The following NALCN variants were observed in gnomAD, a reference collection of about 807,000 sequenced individuals.
The protein encoded by NALCN is sodium leak channel, non-selective.
NALCN carries 111 observed loss-of-function variants against 225.3 expected under a neutral mutation model. The observed-to-expected ratio is 0.49, with a 90% CI of 0.42 to 0.58. The LOEUF is 0.58. Among genes scored for constraint, NALCN ranks in the 20% least tolerant of loss-of-function variants. NALCN has a pLI of 0.00. For missense variants in NALCN, 1,378 were observed against 2,202.4 expected (o/e 0.63, Z 7.49); for synonymous variants, 764 against 769.0 (o/e 0.99, Z 0.11).
At chr13:101,160,098 GTACAC>G (rs2038096715) in intron 15 of NALCN, among the ~76,000 whole-genome samples, 3 of 152,084 alleles carry the variant, frequency 2.0e-5, no homozygotes, top group African/African-American at 7.2e-5. Flanking sequence ...GGGACTACAG[GTACAC>G]ACCACCATGC....
At chr13:101,268,950 A>G (rs2042683992) in intron 10 of NALCN, among the ~76,000 whole-genome samples, 1 of 152,206 alleles carries the variant, frequency 6.6e-6, no homozygotes, top group African/African-American at 2.4e-5. Flanking sequence ...GGAGAAAGGA[A>G]AAGTAAATGA....
intron 15 of NALCN, among the ~76,000 whole-genome samples, chr13:101,150,031 G>A (rs2139818918): frequency 6.6e-6 from 1 of 152,250 alleles, no homozygotes; most frequent in Non-Finnish European, 1.5e-5. Context: ...CAGTTGAGTG[G>A]GAAAATACAT....
intron 6 of NALCN, among the ~76,000 whole-genome samples, chr13:101,374,362 G>C (rs1016166560): frequency 6.9e-6 from 1 of 144,760 alleles, no homozygotes. Flanking sequence ...TGCAACCTCC[G>C]CCTTCTGGAT....
At chr13:101,320,248 C>T (rs1299626075) in intron 7 of NALCN, among the ~76,000 whole-genome samples, 1 of 152,198 alleles carries the variant, frequency 6.6e-6, no homozygotes, top group Admixed American at 6.5e-5. Flanking sequence ...CCATGAGTTT[C>T]CTCAAATTAC....
chr13:101,155,001 A>G (rs1424134495), intron 15 of NALCN, among the ~76,000 whole-genome samples: 1 of 152,248 alleles, frequency 6.6e-6, no homozygotes, highest in Non-Finnish European at 1.5e-5. Flanking sequence ...CAACGTATTC[A>G]TGGCAGAAAG....
At chr13:101,218,877 G>T (rs767753898) in intron 13 of NALCN, among the ~76,000 whole-genome samples, 1 of 151,966 alleles carries the variant, frequency 6.6e-6, no homozygotes, top group Non-Finnish European at 1.5e-5. Context: ...TCTCTTCTTT[G>T]TAATTACCCA....
At chr13:101,202,077 T>C (rs180868270) in intron 13 of NALCN, among the ~76,000 whole-genome samples, 4 of 152,322 alleles carry the variant, frequency 2.6e-5, no homozygotes, top group Admixed American at 2.0e-4. Context: ...ATTAGTAGAA[T>C]AGTTTTATCT....
chr13:101,186,617 TC>T (rs1276009147), intron 14 of NALCN, among the ~76,000 whole-genome samples: 1 of 152,166 alleles, frequency 6.6e-6, no homozygotes, highest in East Asian at 1.9e-4. Flanking sequence ...ATATAGTGTT[TC>T]CTTTTATTAA....
intron 17 of NALCN, among the ~76,000 whole-genome samples, chr13:101,137,367 T>C (rs894774938): frequency 2.1e-4 from 32 of 151,472 alleles, no homozygotes; most frequent in African/African-American, 6.1e-4. Flanking sequence ...TTCGTTCATT[T>C]GTTCATTCTC....
intron 3 of NALCN, among the ~76,000 whole-genome samples, chr13:101,394,508 T>C (rs2047228468): frequency 6.6e-6 from 1 of 152,154 alleles, no homozygotes; most frequent in African/African-American, 2.4e-5. Context: ...ATTTAAATAC[T>C]CTAGGGACAG....
intron 1 of NALCN, among the ~76,000 whole-genome samples, chr13:101,408,298 TCTCAAGCAAGC>T (rs151048402): frequency 0.023 from 3,454 of 152,274 alleles, 56 homozygotes; most frequent in South Asian, 0.045. Context: ...TTCCGGGCCC[TCTCAAGCAAGC>T]CTCTCCTCCG....
At chr13:101,086,540 T>G (rs1013196182) in intron 30 of NALCN, among the ~76,000 whole-genome samples, 2 of 152,048 alleles carry the variant, frequency 1.3e-5, no homozygotes, top group African/African-American at 2.4e-5. Context: ...AATTCTTGGG[T>G]AATTATGGCC....
chr13:101,397,768 TAC>T (rs949347566), intron 2 of NALCN, among the ~76,000 whole-genome samples: 5 of 152,156 alleles, frequency 3.3e-5, no homozygotes, highest in African/African-American at 1.2e-4. Context: ...CATATAAAAA[TAC>T]AGTTATTTAT....
chr13:101,287,838 T>A (rs1363100503), intron 9 of NALCN, among the ~76,000 whole-genome samples: 1 of 152,168 alleles, frequency 6.6e-6, no homozygotes, highest in Non-Finnish European at 1.5e-5. Flanking sequence ...AGGCATAATA[T>A]CATCATCATC....
chr13:101,130,281 C>A lies in NALCN; in HGVS notation c.2119-5600G>T, dbSNP rs550353698. 3.9e-5 allele frequency among the ~76,000 whole-genome samples: 6 copies of A among 152,218 alleles called. No individual in the cohort carries two copies. In the South Asian group the frequency reaches 1.2e-3, roughly 32 times the overall value. On this transcript the variant is annotated intron_variant, in intron 17 of 43. Coordinates refer to ENST00000251127, the MANE Select transcript of NALCN (RefSeq NM_052867.4). ...ATAGTCTCAGAATGAAAATACACAA[C>A]CAAGAAAACTACTGAATATCTTAAG...
chr13:101,345,387 G>A lies in NALCN; in HGVS notation c.678C>T (p.Asp226=). 6.2e-7 allele frequency: 1 copy of A among 1,613,672 alleles called. No individual in the cohort carries two copies. The highest frequency in any genetic ancestry group is 8.5e-7 in the Non-Finnish European group (1 of 1,179,730). Residue 226 remains aspartate (D), a synonymous_variant, in exon 7 of 44, where the codon GAC becomes GAT. Transcript: ENST00000251127. The part of the protein sequence containing the change: ...NVTWNSLAIP[D]THCSPELEEG... ...CTTCTAGCTCTGGTGAGCAGTGTGT[G>A]TCTGGAATAGCTAAACTATTCCAGG...
At chr13:101,193,532 T>G (rs559108476) in intron 13 of NALCN, among the ~76,000 whole-genome samples, 6 of 152,308 alleles carry the variant, frequency 3.9e-5, no homozygotes, top group Non-Finnish European at 7.3e-5. Context: ...TTACCTTGAG[T>G]TGATTTTTCT....
intron 6 of NALCN, among the ~76,000 whole-genome samples, chr13:101,348,731 C>G (rs527457861): frequency 1.3e-5 from 2 of 152,054 alleles, no homozygotes; most frequent in African/African-American, 4.8e-5. Context: ...ATTTTGAAGT[C>G]TTTGGCTTCA....
At chr13:101,235,883 T>C (rs1464027992) in intron 12 of NALCN, among the ~76,000 whole-genome samples, 1 of 152,212 alleles carries the variant, frequency 6.6e-6, no homozygotes, top group Admixed American at 6.5e-5. Flanking sequence ...GCAGTTAAAG[T>C]GAATATTGTT....
Sources: gnomAD v4.1 joint callset for allele counts (sites outside exome capture counted in the v4.1 genomes callset) on GRCh38, gnomAD v4.1.1 for gene constraint, MANE v1.5 for transcripts, NCBI Gene and HGNC (gene_info 2026-07-23, HGNC 2026-07-21) for gene names.